The following CNTN5 variants were observed in gnomAD, a reference collection of about 807,000 sequenced individuals.
The protein encoded by CNTN5 is contactin-5.
Under a neutral mutation model 129.1 loss-of-function variants are expected in CNTN5, and 77 were observed. The observed-to-expected ratio is 0.60, with a 90% confidence interval of 0.50 to 0.72. The LOEUF is 0.72. CNTN5 is among the 30% of genes least tolerant of loss of function. CNTN5 has a pLI of 0.00. For synonymous variants in CNTN5, 509 were observed against 465.6 expected (o/e 1.09, Z -1.20); for missense variants, 1,478 against 1,328.8 (o/e 1.11, Z -1.75).
chr11:99,735,292 C>G (rs1943668425), intron 3 of CNTN5, among the ~76,000 whole-genome samples: 1 of 152,158 alleles, frequency 6.6e-6, no homozygotes, highest in East Asian at 1.9e-4. Flanking sequence ...GTCCCAGTTC[C>G]TCCAGTTGTC....
At chr11:100,208,570 A>G (rs1002570592) in intron 15 of CNTN5, among the ~76,000 whole-genome samples, 9 of 152,162 alleles carry the variant, frequency 5.9e-5, no homozygotes, top group Non-Finnish European at 1.3e-4. Context: ...AACAAGCCAT[A>G]AGGCCATACC....
chr11:99,641,803 CTT>C (rs1359690343), intron 3 of CNTN5, among the ~76,000 whole-genome samples: 1 of 152,166 alleles, frequency 6.6e-6, no homozygotes, highest in Non-Finnish European at 1.5e-5. Flanking sequence ...TATCTCCCAA[CTT>C]TTCCAACCCT....
At chr11:100,350,672 C>T in intron 23 of CNTN5, 30 bp from the exon 24 acceptor site, 1 of 1,548,140 alleles carries the variant, frequency 6.5e-7, no homozygotes, top group Non-Finnish European at 8.8e-7. Context: ...TCTTTCATAT[C>T]AAATGTCTAA....
At chr11:99,751,881 C>A (rs1451470770) in intron 3 of CNTN5, among the ~76,000 whole-genome samples, 1 of 152,128 alleles carries the variant, frequency 6.6e-6, no homozygotes, top group Non-Finnish European at 1.5e-5. Flanking sequence ...ATAAAAGAGG[C>A]TTCACATAGC....
chr11:100,038,660 G>T (rs1011216343), intron 9 of CNTN5, among the ~76,000 whole-genome samples: 29 of 152,000 alleles, frequency 1.9e-4, no homozygotes, highest in African/African-American at 6.5e-4. Context: ...TCCTGTATTG[G>T]GTGCATATAT....
At chr11:100,053,177 A>G (rs1943045073) in intron 9 of CNTN5, among the ~76,000 whole-genome samples, 2 of 151,702 alleles carry the variant, frequency 1.3e-5, no homozygotes, top group Admixed American at 1.3e-4. Context: ...CTCACTTTTT[A>G]CTTTCTGGAG....
chr11:100,144,347 G>A (rs2138271374), intron 13 of CNTN5, among the ~76,000 whole-genome samples: 1 of 152,128 alleles, frequency 6.6e-6, no homozygotes, highest in South Asian at 2.1e-4. Context: ...TACCCCATAG[G>A]TAGTTTTTCA....
intron 16 of CNTN5, among the ~76,000 whole-genome samples, chr11:100,249,960 C>A (rs1218739160): frequency 1.3e-5 from 2 of 152,012 alleles, no homozygotes; most frequent in Non-Finnish European, 2.9e-5. Context: ...TTGTTTTCAC[C>A]TTTTTATGGT....
At chr11:99,317,761 CAT>C (rs1051576601) in intron 1 of CNTN5, among the ~76,000 whole-genome samples, 14 of 151,960 alleles carry the variant, frequency 9.2e-5, no homozygotes, top group Middle Eastern at 6.8e-3. Context: ...TTTAGCAAAA[CAT>C]AATAAATTTT....
At chr11:99,907,322 A>G (rs564011130) in intron 6 of CNTN5, among the ~76,000 whole-genome samples, 1 of 152,168 alleles carries the variant, frequency 6.6e-6, no homozygotes, top group East Asian at 1.9e-4. Flanking sequence ...AATTCATACA[A>G]TATAGAAGAG....
At chr11:100,149,617 G>T (rs920318719) in intron 13 of CNTN5, among the ~76,000 whole-genome samples, 7 of 152,032 alleles carry the variant, frequency 4.6e-5, no homozygotes, top group African/African-American at 1.7e-4. Flanking sequence ...TGGGGGCCAG[G>T]TGCGGTAGCT....
intron 16 of CNTN5, among the ~76,000 whole-genome samples, chr11:100,242,592 C>T (rs73561696): frequency 0.021 from 3,262 of 152,174 alleles, 106 homozygotes; most frequent in African/African-American, 0.075. Flanking sequence ...AGAGTGATGG[C>T]GGTGCTGCTA....
chr11:99,196,280 C>T (rs76090581), intron 1 of CNTN5, among the ~76,000 whole-genome samples: 2,593 of 151,756 alleles, frequency 0.017, 37 homozygotes, highest in African/African-American at 0.037. Context: ...CATATTTTTA[C>T]AATTTATTTT....
chr11:99,493,506 T>C (rs549733919), intron 2 of CNTN5, among the ~76,000 whole-genome samples: 1 of 152,328 alleles, frequency 6.6e-6, no homozygotes, highest in Non-Finnish European at 1.5e-5. Context: ...TAATTCCAAA[T>C]CTTGAAAATA....
chr11:99,524,763 A>T (rs1001344395), intron 2 of CNTN5, among the ~76,000 whole-genome samples: 4 of 152,064 alleles, frequency 2.6e-5, no homozygotes, highest in African/African-American at 9.7e-5. Flanking sequence ...AGATCATGCC[A>T]CTGCACTCCA....
At chr11:99,679,921 A>T (rs1310539439) in intron 3 of CNTN5, among the ~76,000 whole-genome samples, 1 of 152,196 alleles carries the variant, frequency 6.6e-6, no homozygotes. Flanking sequence ...AAACAGCTGC[A>T]TTCCTGATGT....
intron 13 of CNTN5, among the ~76,000 whole-genome samples, chr11:100,083,548 T>A (rs745377868): frequency 2.0e-4 from 31 of 152,120 alleles, no homozygotes; most frequent in Non-Finnish European, 4.3e-4. Flanking sequence ...ACTATCCATA[T>A]TTCTAAGCTT....
chr11:100,255,765 C>T lies in CNTN5; in HGVS notation c.2011C>T (p.Pro671Ser). 1 of 1,613,566 alleles carries T rather than the reference C, an allele frequency of 6.2e-7. No homozygotes were observed. Residue 671 changes from proline to serine, a missense_variant, in exon 17 of 25, where the codon CCA (proline) becomes TCA (serine). Pro to Ser is a moderately conservative substitution (Grantham distance 74, BLOSUM62 -1). Transcript: ENST00000524871. The stretch of plus-strand genomic sequence containing the variant: ...CCATTGCCTTTGACCTATAGGACCC[C>T]CAGGCCCACCTGGGATAGTAATTGT... ...DEAELLVRGPPGPPGIVIVEE... is the reference protein window; with the variant it reads ...DEAELLVRGPSGPPGIVIVEE...
Position 100,154,100 on chromosome 11 carries a change from C to T in CNTN5, c.1581-37026C>T, listed in dbSNP as rs548304317. On this transcript the variant is annotated intron_variant, in intron 13 of 24. Coordinates refer to ENST00000524871, the MANE Select transcript of CNTN5 (RefSeq NM_014361.4). ...AGGTATTTCTCCTAATGCTATCCCT[C>T]CTCTAGCACCCCAACCCCGAACAAG... is the stretch of plus-strand genomic sequence containing the variant. 5.9e-5 allele frequency among the ~76,000 whole-genome samples: 9 copies of T among 152,160 alleles called. No individual in the cohort carries two copies. In the East Asian group the frequency reaches 1.8e-3, roughly 30 times the overall value.
Sources: allele counts gnomAD v4.1 joint callset (sites outside exome capture counted in the v4.1 genomes callset), GRCh38; gene constraint gnomAD v4.1.1; transcripts MANE v1.5; gene names NCBI Gene and HGNC (gene_info 2026-07-23, HGNC 2026-07-21).